Variants in SLCO3A1 observed in about 807,000 individuals in gnomAD.
SLCO3A1 encodes the protein PGE1 transporter.
SLCO3A1 carries 27 observed loss-of-function variants against 63.1 expected under a neutral mutation model. That is an observed-to-expected ratio of 0.43 (90% CI 0.32 to 0.59). The LOEUF is 0.59. SLCO3A1 is among the 20% of genes least tolerant of loss of function. The pLI is 0.09. For synonymous variants in SLCO3A1, 473 were observed against 409.9 expected (o/e 1.15, Z -1.86); for missense variants, 773 against 945.8 (o/e 0.82, Z 2.40).
At chr15:92,029,563 A>T (rs1249822710) in intron 2 of SLCO3A1, among the ~76,000 whole-genome samples, 1 of 152,248 alleles carries the variant, frequency 6.6e-6, no homozygotes, top group African/African-American at 2.4e-5. Flanking sequence ...TATTCTCTGT[A>T]GAAAATTTGG....
In SLCO3A1 at chr15:92,151,021, AT is replaced by A; in HGVS notation, c.1753+9del. ...CTCCTCCTTCGTTTGTTGGGTATGT[AT>A]TATCTCTTTATTTCCTCAATAATGA... On this transcript the variant is annotated splice_region_variant and intron_variant, in intron 9 of 9. Transcript: ENST00000318445. The A allele has an allele frequency of 6.3e-7, 1 of 1,596,554 alleles. No individual in the cohort carries two copies. The highest frequency in any genetic ancestry group is 1.3e-5 in the African/African-American group (1 of 74,468).
In SLCO3A1 at chr15:91,882,563, C is replaced by T. The variant is rs769758606; in HGVS notation, c.180+28475C>T. 1.3e-5 allele frequency among the ~76,000 whole-genome samples: 2 copies of T among 152,004 alleles called. No homozygotes were observed. Among genetic ancestry groups the T allele is most frequent in the South Asian group, 2.1e-4 (1 of 4,790 alleles). The stretch of plus-strand genomic sequence containing the variant: ...GGAGTTTCACTCTGTCGCCCAGGCC[C>T]GAGTGCAGTGGCATGATCTCAGCTC... On this transcript the variant is annotated intron_variant, in intron 1 of 9. Coordinates refer to ENST00000318445, the MANE Select transcript of SLCO3A1 (RefSeq NM_013272.4). This position sits in a 1 kb window ranked among gnomAD's most constrained non-coding sequence, Gnocchi z 4.4.
At chr15:92,008,947 T>C (rs989577926) in intron 2 of SLCO3A1, among the ~76,000 whole-genome samples, 1 of 152,230 alleles carries the variant, frequency 6.6e-6, no homozygotes, top group African/African-American at 2.4e-5. Flanking sequence ...AGAGATTTTA[T>C]GGATTTCTGA....
intron 2 of SLCO3A1, among the ~76,000 whole-genome samples, chr15:91,932,863 T>G (rs6496875): frequency 6.6e-6 from 1 of 152,062 alleles, no homozygotes; most frequent in East Asian, 1.9e-4. Context: ...GATCTTTAAT[T>G]GGTGACAATG....
intron 1 of SLCO3A1, among the ~76,000 whole-genome samples, chr15:91,871,072 C>T (rs1354895368): frequency 6.6e-6 from 1 of 152,104 alleles, no homozygotes. Context: ...TTAAAGATAA[C>T]CATGCCTTGT....
intron 2 of SLCO3A1, among the ~76,000 whole-genome samples, chr15:92,073,980 C>T (rs2047246344): frequency 6.6e-6 from 1 of 152,180 alleles, no homozygotes; most frequent in Non-Finnish European, 1.5e-5. Context: ...ACCAACCTGG[C>T]CAACATGGTG....
intron 1 of SLCO3A1, among the ~76,000 whole-genome samples, chr15:91,893,045 A>G (rs1341086874): frequency 6.6e-6 from 1 of 152,222 alleles, no homozygotes; most frequent in Admixed American, 6.5e-5. Flanking sequence ...CACATAACAA[A>G]TAAGCCTTAG....
At position 92,162,767 on chromosome 15, in the gene SLCO3A1, C is replaced by T; in HGVS notation, c.1765C>T (p.Pro589Ser). The T allele has an allele frequency of 6.2e-7, 1 of 1,613,058 alleles. No individual in the cohort carries two copies. The highest frequency in any genetic ancestry group is 8.5e-7 in the Non-Finnish European group (1 of 1,179,430). ...LLLRLLGFIPPPLIFGAGIDS... is the reference protein window; with the variant it reads ...LLLRLLGFIPSPLIFGAGIDS... ...TTTCCCGGTAACAGGCTTCATCCCT[C>T]CACCCCTCATCTTCGGGGCTGGCAT... Residue 589 changes from proline (P) to serine (S), a missense_variant, in exon 10 of 10, where the codon CCA (proline) becomes TCA (serine). Coordinates refer to ENST00000318445, the MANE Select transcript of SLCO3A1 (RefSeq NM_013272.4).
chr15:91,989,451 T>C (rs1007452113), intron 2 of SLCO3A1, among the ~76,000 whole-genome samples: 1 of 152,216 alleles, frequency 6.6e-6, no homozygotes, highest in African/African-American at 2.4e-5. Flanking sequence ...GTAGTAAATA[T>C]GGATTGCGTG....
intron 2 of SLCO3A1, among the ~76,000 whole-genome samples, chr15:92,041,924 T>C (rs1597250575): frequency 6.6e-6 from 1 of 152,018 alleles, no homozygotes. Context: ...AATTGGAGGG[T>C]TGGCAGGAAG....
At chr15:92,084,505 G>A (rs921232689) in intron 2 of SLCO3A1, among the ~76,000 whole-genome samples, 5 of 152,110 alleles carry the variant, frequency 3.3e-5, no homozygotes, top group Admixed American at 6.5e-5. Context: ...CCTTGACACC[G>A]ATCCTCCCTC....
intron 3 of SLCO3A1, among the ~76,000 whole-genome samples, chr15:92,098,391 C>A (rs147521759): frequency 6.6e-6 from 1 of 152,320 alleles, no homozygotes; most frequent in African/African-American, 2.4e-5. Flanking sequence ...ACGTGGTTCC[C>A]TTTGCTCCTC....
At chr15:91,976,713 C>T (rs1039176329) in intron 2 of SLCO3A1, among the ~76,000 whole-genome samples, 3 of 152,028 alleles carry the variant, frequency 2.0e-5, no homozygotes, top group Admixed American at 6.6e-5. Flanking sequence ...TAAAGTTGGG[C>T]GTCCGGGGGA....
Position 91,866,602 on chromosome 15 carries a change from A to G in SLCO3A1, c.180+12514A>G, listed in dbSNP as rs1415016732. On this transcript the variant is annotated intron_variant, in intron 1 of 9. Coordinates refer to ENST00000318445, the MANE Select transcript of SLCO3A1 (RefSeq NM_013272.4). ...AAAAAAAAAAAAAAAGAAAAAAAAA[A>G]TGTCAGCTTGATCTCTGCCAAACTA... Among the ~76,000 whole-genome samples the G allele has an allele frequency of 2.6e-5, 4 of 151,236 alleles. No homozygotes were observed. The East Asian group carries it at 5.8e-4, about 22-fold the overall frequency.
intron 8 of SLCO3A1, among the ~76,000 whole-genome samples, chr15:92,150,280 C>T (rs1008230291): frequency 1.6e-4 from 25 of 152,156 alleles, no homozygotes; most frequent in Admixed American, 1.6e-3. Flanking sequence ...TAGATGGTGC[C>T]CACCCAGATT....
intron 2 of SLCO3A1, among the ~76,000 whole-genome samples, chr15:91,995,622 G>C (rs1268034916): frequency 6.6e-6 from 1 of 151,784 alleles, no homozygotes; most frequent in Non-Finnish European, 1.5e-5. Context: ...AGCAGACAGA[G>C]CCTTGGATGC....
intron 2 of SLCO3A1, among the ~76,000 whole-genome samples, chr15:92,067,252 A>G (rs1232749082): frequency 6.6e-6 from 1 of 152,190 alleles, no homozygotes; most frequent in African/African-American, 2.4e-5. Flanking sequence ...CCAGCTTTGC[A>G]TTAAGAAGGG....
chr15:92,029,377 G>A (rs909903225), intron 2 of SLCO3A1, among the ~76,000 whole-genome samples: 1 of 152,108 alleles, frequency 6.6e-6, no homozygotes. Flanking sequence ...TTTGCTCTGG[G>A]GATTAAAGAT....
chr15:91,971,778 A>C (rs1022304133), intron 2 of SLCO3A1, among the ~76,000 whole-genome samples: 1 of 152,176 alleles, frequency 6.6e-6, no homozygotes, highest in African/African-American at 2.4e-5. Context: ...AGAGGCTCGC[A>C]GGAACCTAAC....
Sources: allele counts gnomAD v4.1 joint callset (sites outside exome capture counted in the v4.1 genomes callset), GRCh38; gene constraint gnomAD v4.1.1; non-coding constraint Gnocchi (gnomAD v3.1); transcripts MANE v1.5; gene names NCBI Gene and HGNC (gene_info 2026-07-23, HGNC 2026-07-21).